ATM: variants seen among roughly 807,000 people sequenced by gnomAD.
ATM encodes serine-protein kinase ATM.
ATM carries 308 observed loss-of-function variants against 387.0 expected under a neutral mutation model. That is an observed-to-expected ratio of 0.80 (90% CI 0.73 to 0.87). The LOEUF (loss-of-function observed/expected upper bound fraction) is 0.87. Among genes scored for constraint, ATM ranks in the 40% least tolerant of loss-of-function variants. ATM has a pLI of 0.00. For missense variants in ATM, 3,312 were observed against 3,560.9 expected (o/e 0.93, Z 1.78); for synonymous variants, 1,156 against 1,187.3 (o/e 0.97, Z 0.54).
At chr11:108,339,116 T>C (rs920882029) in intron 56 of ATM, among the ~76,000 whole-genome samples, 1 of 152,244 alleles carries the variant, frequency 6.6e-6, no homozygotes, top group African/African-American at 2.4e-5. Context: ...CAGTTCTTAT[T>C]GTGTATGTTG....
At chr11:108,314,130 T>G (rs1163369678) in intron 40 of ATM, among the ~76,000 whole-genome samples, 2 of 152,304 alleles carry the variant, frequency 1.3e-5, no homozygotes, top group East Asian at 3.9e-4. Context: ...TTTGTTTTTT[T>G]TTCCAGACAG....
chr11:108,353,212 G>A (rs752737346), intron 59 of ATM, among the ~76,000 whole-genome samples: 4 of 151,674 alleles, frequency 2.6e-5, no homozygotes, highest in Non-Finnish European at 5.9e-5. Context: ...GCAATGGCAC[G>A]ATCTCAGCTC....
chr11:108,314,469 T>C (rs936127851), intron 40 of ATM, among the ~76,000 whole-genome samples: 1 of 150,570 alleles, frequency 6.6e-6, no homozygotes, highest in South Asian at 2.1e-4. Flanking sequence ...TTTTTTTTTA[T>C]GTGATATAAG....
intron 32 of ATM, chr11:108,296,973 C>A: frequency 6.0e-6 from 2 of 331,652 alleles, no homozygotes; most frequent in Non-Finnish European, 5.8e-6. Flanking sequence ...TCCCAAAGTC[C>A]CTTCTAGCTT....
chr11:108,356,673 C>T (rs537731866), intron 61 of ATM, among the ~76,000 whole-genome samples: 2 of 151,862 alleles, frequency 1.3e-5, no homozygotes, highest in South Asian at 4.2e-4. Context: ...TTGGGAGTTT[C>T]TTCCAGTACT....
intron 34 of ATM, among the ~76,000 whole-genome samples, chr11:108,300,942 G>A (rs1337691973): frequency 6.8e-6 from 1 of 147,160 alleles, no homozygotes; most frequent in Non-Finnish European, 1.5e-5. Flanking sequence ...GAGCGCAGTG[G>A]CATGATAATA....
At chr11:108,335,791 GT>G (rs2086772081) in intron 55 of ATM, 53 bp from the exon 56 acceptor site, 1 of 1,450,692 alleles carries the variant, frequency 6.9e-7, no homozygotes, top group African/African-American at 1.4e-5. Flanking sequence ...ATGACTCTGT[GT>G]TTTTATAATA....
At chr11:108,235,295 C>CA (rs781029926) in intron 4 of ATM, among the ~76,000 whole-genome samples, 7,675 of 77,492 alleles carry the variant, frequency 0.099, 646 homozygotes, top group African/African-American at 0.29. Flanking sequence ...GATTCCATCT[C>CA]AAAAAAAAAA....
chr11:108,304,973 C>A, intron 37 of ATM, 121 bp downstream of exon 37: 1 of 1,233,372 alleles, frequency 8.1e-7, no homozygotes, highest in Non-Finnish European at 1.1e-6. Context: ...AAATTTGTTT[C>A]TTCATCTATG....
At chr11:108,278,940 G>A (rs551177972) in intron 22 of ATM, among the ~76,000 whole-genome samples, 1 of 152,158 alleles carries the variant, frequency 6.6e-6, no homozygotes, top group South Asian at 2.1e-4. Context: ...AGAATCAGAG[G>A]AACATAAACA....
rs1555127370 is a variant in ATM, at chr11:108,335,114, G to C, written c.8151+5G>C. 1 of 1,613,960 alleles carries C rather than the reference G, an allele frequency of 6.2e-7. No individual in the cohort carries two copies. Among genetic ancestry groups the C allele is most frequent in the Non-Finnish European group, 8.5e-7 (1 of 1,179,924 alleles). On this transcript the variant is annotated splice_donor_5th_base_variant and intron_variant, in intron 55 of 62. Transcript: ENST00000675843. ...GAGAGGAGACAGCTTGTTAAGGTGA[G>C]CCTTCCCTTCTCTGGCTTAGCCCTT...
intron 16 of ATM, among the ~76,000 whole-genome samples, chr11:108,262,082 TC>T (rs1280554749): frequency 1.3e-5 from 2 of 152,072 alleles, no homozygotes; most frequent in Non-Finnish European, 2.9e-5. Flanking sequence ...CAGGAGAACT[TC>T]CGCAATCTAG....
At position 108,365,397 on chromosome 11, in the gene ATM, G is replaced by A. The variant is rs864622625; in HGVS notation, c.9060G>A (p.Val3020=). Residue 3020 remains valine, a synonymous_variant, in exon 63 of 63, where the codon GTG becomes GTA. Transcript: ENST00000675843. ...GACTACAAGAGAAACTGAAAGGAGT[G>A]GAAGAAGGCACTGTGCTCAGTGTTG... The part of the protein sequence containing the change: ...LMRLQEKLKG[V]EEGTVLSVGG... The A allele has an allele frequency of 6.2e-7, 1 of 1,614,202 alleles. No individual in the cohort carries two copies. Among genetic ancestry groups the A allele is most frequent in the Non-Finnish European group, 8.5e-7 (1 of 1,180,050 alleles).
chr11:108,330,061 G>C lies in ATM; in HGVS notation c.7308-153G>C, dbSNP rs1175030679. Among the ~76,000 whole-genome samples the C allele has an allele frequency of 3.3e-5, 5 of 152,232 alleles. No homozygotes were observed. The East Asian group carries it at 5.8e-4, about 18-fold the overall frequency. ...TGTGAATTGCACAGTTAAGACAAAA[G>C]TAAGTTTATTCCCTTTATAATCCTT... On this transcript the variant is annotated intron_variant, in intron 49 of 62. Coordinates refer to ENST00000675843, the MANE Select transcript of ATM (RefSeq NM_000051.4).
At chr11:108,356,958 G>C (rs954893392) in intron 61 of ATM, among the ~76,000 whole-genome samples, 3 of 152,228 alleles carry the variant, frequency 2.0e-5, no homozygotes, top group Non-Finnish European at 4.4e-5. Flanking sequence ...TGGCCGAATA[G>C]GAACAGCTCC....
chr11:108,341,798 C>A (rs1463933630), intron 56 of ATM, among the ~76,000 whole-genome samples: 1 of 152,126 alleles, frequency 6.6e-6, no homozygotes, highest in African/African-American at 2.4e-5. Context: ...TACTATTACC[C>A]TCAGATTAGC....
At chr11:108,262,517 C>T (rs1359492759) in intron 16 of ATM, among the ~76,000 whole-genome samples, 16 of 152,192 alleles carry the variant, frequency 1.1e-4, no homozygotes, top group African/African-American at 2.7e-4. Context: ...CGGTACCAGC[C>T]GCTGCAAAAT....
intron 38 of ATM, chr11:108,308,914 G>A (rs1355117140): frequency 4.0e-6 from 4 of 1,001,378 alleles, no homozygotes; most frequent in African/African-American, 1.6e-5. Flanking sequence ...GTAGTGGAGA[G>A]CATTTGTTTT....
chr11:108,335,763 G>A, intron 55 of ATM, 82 bp from the exon 56 acceptor site: 2 of 1,060,044 alleles, frequency 1.9e-6, no homozygotes, highest in South Asian at 2.6e-5. Context: ...TGGTTTGAGT[G>A]CCCTTTGCTA....
Sources: gnomAD v4.1 joint callset for allele counts (sites outside exome capture counted in the v4.1 genomes callset) on GRCh38, gnomAD v4.1.1 for gene constraint, MANE v1.5 for transcripts, NCBI Gene and HGNC (gene_info 2026-07-23, HGNC 2026-07-21) for gene names.